Variants in TMEM132D observed in about 807,000 individuals in gnomAD.
TMEM132D encodes transmembrane protein 132D.
A neutral mutation model predicts 62.3 loss-of-function variants in TMEM132D; 21 were observed. The ratio of observed to expected loss-of-function variants is 0.34; its 90% confidence interval spans 0.24 to 0.49. The LOEUF is 0.49. TMEM132D is among the 20% of genes least tolerant of loss of function. The pLI is 0.99. For missense variants in TMEM132D, 1,346 were observed against 1,402.8 expected (o/e 0.96, Z 0.65); for synonymous variants, 621 against 575.6 (o/e 1.08, Z -1.13).
intron 5 of TMEM132D, among the ~76,000 whole-genome samples, chr12:129,131,153 G>T (rs1488336392): frequency 1.3e-5 from 2 of 152,162 alleles, no homozygotes; most frequent in Admixed American, 6.5e-5. Flanking sequence ...CATGTAATTA[G>T]ATATGCACAG....
intron 3 of TMEM132D, among the ~76,000 whole-genome samples, chr12:129,395,659 G>C (rs1252885850): frequency 2.0e-5 from 3 of 150,708 alleles, no homozygotes; most frequent in Admixed American, 6.6e-5. Context: ...GTACTTATAA[G>C]ATAAAATACT....
intron 4 of TMEM132D, among the ~76,000 whole-genome samples, chr12:129,333,732 C>A (rs1172113358): frequency 6.6e-6 from 1 of 152,164 alleles, no homozygotes; most frequent in African/African-American, 2.4e-5. Context: ...TAGATCTCAG[C>A]ACTTGGCAGA....
At chr12:129,470,681 G>T (rs1000263831) in intron 3 of TMEM132D, among the ~76,000 whole-genome samples, 1 of 152,174 alleles carries the variant, frequency 6.6e-6, no homozygotes, top group African/African-American at 2.4e-5. Flanking sequence ...ATGACAACAT[G>T]AAATTGACAA....
chr12:129,890,459 C>T (rs1874885138), intron 1 of TMEM132D, among the ~76,000 whole-genome samples: 1 of 152,134 alleles, frequency 6.6e-6, no homozygotes, highest in African/African-American at 2.4e-5. Flanking sequence ...TTCCTGGCAC[C>T]CAACCCTGGC....
intron 2 of TMEM132D, among the ~76,000 whole-genome samples, chr12:129,546,515 A>G (rs991361425): frequency 6.6e-6 from 1 of 152,186 alleles, no homozygotes; most frequent in Non-Finnish European, 1.5e-5. Context: ...ATTCACAGCA[A>G]GCAAGGAGAG....
At chr12:129,895,488 A>G (rs763656003) in intron 1 of TMEM132D, among the ~76,000 whole-genome samples, 2 of 152,170 alleles carry the variant, frequency 1.3e-5, no homozygotes, top group African/African-American at 2.4e-5. Flanking sequence ...CACACAGACT[A>G]TGGTTTGTGC....
At chr12:129,656,534 T>G (rs763771462) in intron 2 of TMEM132D, among the ~76,000 whole-genome samples, 1 of 149,056 alleles carries the variant, frequency 6.7e-6, no homozygotes, top group Non-Finnish European at 1.5e-5. Flanking sequence ...CATAGTCTGT[T>G]TTTTACACCT....
At chr12:129,815,651 A>G (rs549682718) in intron 1 of TMEM132D, among the ~76,000 whole-genome samples, 1 of 152,238 alleles carries the variant, frequency 6.6e-6, no homozygotes, top group East Asian at 1.9e-4. Context: ...TTATTACAGG[A>G]TGTGTTTATG....
At chr12:129,848,096 G>C (rs1873420774) in intron 1 of TMEM132D, among the ~76,000 whole-genome samples, 1 of 152,208 alleles carries the variant, frequency 6.6e-6, no homozygotes, top group South Asian at 2.1e-4. Context: ...ACTCCAATAA[G>C]TGAGAGTTGA....
rs570787239 is a variant in TMEM132D at position 129,202,782 on chromosome 12, G to C, written c.1443+6738C>G. On this transcript the variant is annotated intron_variant, in intron 5 of 8. Transcript: ENST00000422113. ...TTCCCTCTGTCAGCAGGGCATACTG[G>C]GTACAAATTCATCCTTCAGGTATTA... 3.4e-4 allele frequency among the ~76,000 whole-genome samples: 52 copies of C among 152,172 alleles called. 1 individual carries two copies. Among genetic ancestry groups the C allele is most frequent in the African/African-American group, 1.0e-3 (42 of 41,528 alleles).
chr12:129,412,989 A>G (rs1022902265), intron 3 of TMEM132D, among the ~76,000 whole-genome samples: 11 of 152,176 alleles, frequency 7.2e-5, no homozygotes, highest in African/African-American at 1.7e-4. Flanking sequence ...ACTCATTTCC[A>G]TGAGAAAAAT....
At chr12:129,314,910 G>A (rs1868434941) in intron 4 of TMEM132D, among the ~76,000 whole-genome samples, 1 of 151,944 alleles carries the variant, frequency 6.6e-6, no homozygotes, top group Admixed American at 6.6e-5. Flanking sequence ...TGCAGCTATT[G>A]TAAAAGGGAT....
At chr12:129,136,863 C>T (rs1325345035) in intron 5 of TMEM132D, among the ~76,000 whole-genome samples, 1 of 143,966 alleles carries the variant, frequency 6.9e-6, no homozygotes, top group Non-Finnish European at 1.5e-5. Context: ...ATTATCATCA[C>T]CACCACCATC....
intron 5 of TMEM132D, among the ~76,000 whole-genome samples, chr12:129,092,866 T>C (rs572517511): frequency 8.5e-5 from 13 of 152,304 alleles, no homozygotes; most frequent in Middle Eastern, 3.4e-3. Context: ...GATAAGAACA[T>C]TGAAGCTCAG....
intron 5 of TMEM132D, among the ~76,000 whole-genome samples, chr12:129,159,752 C>T (rs1449180924): frequency 3.6e-5 from 4 of 110,304 alleles, no homozygotes; most frequent in Admixed American, 2.3e-4. Flanking sequence ...CAGTGAGACT[C>T]GGGCTCAAAA....
intron 2 of TMEM132D, among the ~76,000 whole-genome samples, chr12:129,675,064 C>G (rs1880594454): frequency 6.6e-6 from 1 of 151,978 alleles, no homozygotes; most frequent in African/African-American, 2.4e-5. Context: ...AGCTTTACTA[C>G]CAGTAAGGAG....
chr12:129,118,874 C>A (rs1055656474), intron 5 of TMEM132D, among the ~76,000 whole-genome samples: 1 of 152,148 alleles, frequency 6.6e-6, no homozygotes, highest in Non-Finnish European at 1.5e-5. Flanking sequence ...GAAAGCACAG[C>A]GTATCTATTT....
At chr12:129,690,113 C>A (rs1278774934) in intron 2 of TMEM132D, among the ~76,000 whole-genome samples, 1 of 152,120 alleles carries the variant, frequency 6.6e-6, no homozygotes, top group Non-Finnish European at 1.5e-5. Flanking sequence ...TTGTAAGTTA[C>A]CTGTGCTACA....
At chr12:129,620,148 G>A (rs1477548195) in intron 2 of TMEM132D, among the ~76,000 whole-genome samples, 1 of 152,190 alleles carries the variant, frequency 6.6e-6, no homozygotes, top group East Asian at 1.9e-4. Context: ...GGCTGAAGCT[G>A]GCAACTCAAC....
Sources: gnomAD v4.1 joint callset for allele counts (sites outside exome capture counted in the v4.1 genomes callset) on GRCh38, gnomAD v4.1.1 for gene constraint, MANE v1.5 for transcripts, NCBI Gene and HGNC (gene_info 2026-07-23, HGNC 2026-07-21) for gene names.